The following BSND variants were observed in gnomAD, a reference collection of about 807,000 sequenced individuals.
The protein encoded by BSND is barttin.
A neutral mutation model predicts 18.8 loss-of-function variants in BSND; 13 were observed. The observed-to-expected ratio is 0.69, with a 90% CI of 0.45 to 1.10. The LOEUF (loss-of-function observed/expected upper bound fraction) is 1.10. Ranked by LOEUF, BSND falls within the 50% of genes least tolerant of loss-of-function variation. The pLI, the probability that BSND is intolerant of heterozygous loss-of-function variation, is 0.00. For missense variants in BSND, 379 were observed against 416.7 expected, an observed-to-expected ratio of 0.91 and a Z score of 0.79; for synonymous variants, 170 against 161.8, an observed-to-expected ratio of 1.05 and a Z score of -0.39.
chr1:55,004,445 C>T (rs917088558), intron 1 of BSND, among the ~76,000 whole-genome samples: 9 of 152,256 alleles, frequency 5.9e-5, no homozygotes, highest in African/African-American at 1.9e-4. Context: ...CACAGCTCCT[C>T]TCCCTCACCC....
chr1:55,004,989 A>G (rs773498936), intron 1 of BSND, 33 bp from the exon 2 acceptor site: 142 of 1,606,448 alleles, frequency 8.8e-5, no homozygotes, highest in Non-Finnish European at 8.4e-5. Context: ...ACCCTGGTCA[A>G]CTGCACAGAG....
rs1341754769 is a variant in BSND, at chr1:55,016,599, TTG to T, written c.*7973_*7974del. Among the ~76,000 whole-genome samples the T allele has an allele frequency of 3.2e-5, 3 of 92,796 alleles. No homozygotes were observed. The highest frequency in any genetic ancestry group is 9.7e-5 in the African/African-American group (2 of 20,518). 60.9% of individuals were successfully genotyped at this position (92,796 alleles called of 152,430 possible). On this transcript the variant is annotated 3_prime_UTR_variant, in exon 4 of 4. Coordinates refer to ENST00000651561, the MANE Select transcript of BSND (RefSeq NM_057176.3). Reference sequence around the variant, plus strand: ...ATTTATTCTAGTTTTGTTGTTGTTGTTGTTGTTTGTTTGTTGTTTTGAGACAA... The same window carrying T: ...ATTTATTCTAGTTTTGTTGTTGTTGTTTGTTTGTTTGTTGTTTTGAGACAA...
intron 1 of BSND, among the ~76,000 whole-genome samples, chr1:55,002,551 TCCTTCAGG>T (rs1276147741): frequency 3.3e-5 from 5 of 152,244 alleles, no homozygotes; most frequent in Admixed American, 6.5e-5. Flanking sequence ...TTGCTGAGAG[TCCTTCAGG>T]ACTCCCCATT....
rs2864124 is a variant in BSND at position 55,009,006 on chromosome 1, A to G, written c.*378A>G. 0.4 allele frequency: 141,446 copies of G among 354,614 alleles called. 29,330 individuals carry two copies. Among genetic ancestry groups the G allele is most frequent in the African/African-American group, 0.49 (23,143 of 47,112 alleles). 22.0% of individuals were successfully genotyped at this position (354,614 alleles called of 1,614,324 possible). A position where few individuals can be genotyped will look rare whatever the true frequency, so the allele number is the denominator to read the frequency against. Reference sequence around the variant, plus strand: ...AGGTTTCCCATTCCTATTGTGTCTTATAGTCCACTTGGTAGATGGCGTGAT... The same window carrying G: ...AGGTTTCCCATTCCTATTGTGTCTTGTAGTCCACTTGGTAGATGGCGTGAT... On this transcript the variant is annotated 3_prime_UTR_variant, in exon 4 of 4. Coordinates refer to ENST00000651561, the MANE Select transcript of BSND (RefSeq NM_057176.3).
At position 55,007,004 on chromosome 1, in the gene BSND, C is replaced by T; in HGVS notation, c.280C>T (p.Pro94Ser). The T allele has an allele frequency of 6.2e-7, 1 of 1,614,094 alleles. No homozygotes were observed. Among genetic ancestry groups the T allele is most frequent in the Non-Finnish European group, 8.5e-7 (1 of 1,180,036 alleles). ...TTCTCTCTCCCACTCCAGCCCCAGT[C>T]CCCAGCCGCCCTATGTAAGGCTGTG... is the stretch of plus-strand genomic sequence containing the variant. ...GLAAEMKSPS[P>S]QPPYVRLWEE... The change falls in exon 3 of 4, where the codon CCC (proline) becomes TCC (serine). Residue 94 changes from proline to serine, a missense_variant. By Grantham distance (74) the Pro-to-Ser change is moderately conservative (BLOSUM62 -1). Transcript: ENST00000651561.
chr1:55,006,976 C>T lies in BSND; in HGVS notation c.273-21C>T, dbSNP rs771552296. The T allele has an allele frequency of 2.5e-6, 4 of 1,613,564 alleles. No individual in the cohort carries two copies. In the South Asian group the frequency reaches 4.4e-5, roughly 18 times the overall value. ...TGCTGAGTGACTCTTTGCCGCCTGC[C>T]TGTTCTCTCTCCCACTCCAGCCCCA... On this transcript the variant is annotated intron_variant, in intron 2 of 3. Transcript: ENST00000651561.
chr1:55,001,242 GTGT>G (rs1393228105), intron 1 of BSND, among the ~76,000 whole-genome samples: 1 of 145,854 alleles, frequency 6.9e-6, no homozygotes, highest in South Asian at 2.2e-4. Flanking sequence ...GTGTGTGTGT[GTGT>G]TGGGGGAGAC....
In BSND at chr1:55,011,311, G is replaced by A. The variant is rs1644421439; in HGVS notation, c.*2683G>A. On this transcript the variant is annotated 3_prime_UTR_variant, in exon 4 of 4. Transcript: ENST00000651561. ...GACTGCCTCTGCTAAGTTATTAGGAGGCCCCTTTCACGCTCGAAGATACCT... is the reference window on the plus strand; with the variant it reads ...GACTGCCTCTGCTAAGTTATTAGGAAGCCCCTTTCACGCTCGAAGATACCT... 7.2e-6 allele frequency: 1 copy of A among 138,880 alleles called. No individual in the cohort carries two copies. Among genetic ancestry groups the A allele is most frequent in the Non-Finnish European group, 1.5e-5 (1 of 64,706 alleles). 8.6% of individuals were successfully genotyped at this position (138,880 alleles called of 1,614,324 possible). A position where few individuals can be genotyped will look rare whatever the true frequency, so the allele number is the denominator to read the frequency against.
chr1:54,999,073 G>A lies in BSND; in HGVS notation c.-114G>A, dbSNP rs1644347307. On this transcript the variant is annotated 5_prime_UTR_variant, in exon 1 of 4. Coordinates refer to ENST00000651561, the MANE Select transcript of BSND (RefSeq NM_057176.3). ...ATCTTGCTCTCCCTTGAAGCCTTGA[G>A]TTGCAGCGATTTCAGTGTCTTCTCT... 14 of 1,325,230 alleles carry A rather than the reference G, an allele frequency of 1.1e-5. No individual in the cohort carries two copies. The highest frequency in any genetic ancestry group is 8.6e-5 in the South Asian group (7 of 81,632). 82.1% of individuals were successfully genotyped at this position (1,325,230 alleles called of 1,614,324 possible).
Position 55,014,313 on chromosome 1 carries a change from C to T in BSND, c.*5685C>T, listed in dbSNP as rs140301300. On this transcript the variant is annotated 3_prime_UTR_variant, in exon 4 of 4. Coordinates refer to ENST00000651561, the MANE Select transcript of BSND (RefSeq NM_057176.3). ...AAACAGCGCTGGGTTTGAGACTAGGCTTCCCTACTGGCCAGCTCTGTGACT... is the reference window on the plus strand; with the variant it reads ...AAACAGCGCTGGGTTTGAGACTAGGTTTCCCTACTGGCCAGCTCTGTGACT... Among the ~76,000 whole-genome samples the T allele has an allele frequency of 1.3e-5, 2 of 152,220 alleles. No homozygotes were observed. Among genetic ancestry groups the T allele is most frequent in the Non-Finnish European group, 2.9e-5 (2 of 68,036 alleles).
chr1:55,008,575 G>A lies in BSND; in HGVS notation c.910G>A (p.Gly304Arg), dbSNP rs780389770. 1.4e-5 allele frequency: 23 copies of A among 1,613,990 alleles called. No individual in the cohort carries two copies. The highest frequency in any genetic ancestry group is 1.1e-4 in the East Asian group (5 of 44,878). Residue 304 changes from glycine to arginine, a missense_variant, in exon 4 of 4, where the codon GGG becomes AGG. Physicochemically the swap from Gly to Arg is moderately radical, Grantham distance 125 (BLOSUM62 -2). Transcript: ENST00000651561. ...DLYYGLPDGA[G>R]DLLPDKELGF... ...GTACTATGGGCTGCCAGATGGAGCCGGGGACCTCCTCCCGGACAAGGAGCT... is the reference window on the plus strand; with the variant it reads ...GTACTATGGGCTGCCAGATGGAGCCAGGGACCTCCTCCCGGACAAGGAGCT...
In BSND at chr1:55,011,974, G is replaced by A. The variant is rs538269942; in HGVS notation, c.*3346G>A. Among the ~76,000 whole-genome samples the A allele has an allele frequency of 2.0e-5, 3 of 152,310 alleles. No individual in the cohort carries two copies. In the South Asian group the frequency reaches 6.2e-4, roughly 32 times the overall value. On this transcript the variant is annotated 3_prime_UTR_variant, in exon 4 of 4. Coordinates refer to ENST00000651561, the MANE Select transcript of BSND (RefSeq NM_057176.3). The stretch of plus-strand genomic sequence containing the variant: ...CTGGGATTCTAGCGTTCAGCTCCAG[G>A]CTCCAGGTGTGTGTGCCAGGGTGAA...
At chr1:55,001,757 A>T (rs1644362703) in intron 1 of BSND, among the ~76,000 whole-genome samples, 1 of 152,088 alleles carries the variant, frequency 6.6e-6, no homozygotes, top group Admixed American at 6.6e-5. Context: ...TTCACAGAGA[A>T]GGTGAGCTGG....
In BSND at chr1:55,012,450, C is replaced by T. The variant is rs968937458; in HGVS notation, c.*3822C>T. On this transcript the variant is annotated 3_prime_UTR_variant, in exon 4 of 4. Coordinates refer to ENST00000651561, the MANE Select transcript of BSND (RefSeq NM_057176.3). ...CTCAGCCAGTTCCTTGCTGTGTGGC[C>T]TTGGACAAGTCACAGCCCCTCTCAG... Among the ~76,000 whole-genome samples the T allele has an allele frequency of 3.3e-5, 5 of 152,210 alleles. No homozygotes were observed. Among genetic ancestry groups the T allele is most frequent in the Non-Finnish European group, 7.3e-5 (5 of 68,028 alleles).
At position 55,008,217 on chromosome 1, in the gene BSND, C is replaced by T. The variant is rs1486828733; in HGVS notation, c.552C>T (p.Pro184=). Residue 184 remains proline, a synonymous_variant, in exon 4 of 4, where the codon CCC becomes CCT. Coordinates refer to ENST00000651561, the MANE Select transcript of BSND (RefSeq NM_057176.3). The stretch of plus-strand genomic sequence containing the variant: ...CTTGTGGTCTTTGTCCCTGCAGCCC[C>T]CTGGCCTGTCCCCAGGGCCCTGCCC... ...ERRLTQSWPG[P]LACPQGPAPL... 6.2e-7 allele frequency: 1 copy of T among 1,614,058 alleles called. No individual in the cohort carries two copies. The highest frequency in any genetic ancestry group is 2.2e-5 in the East Asian group (1 of 44,872).
chr1:55,016,849 A>G lies in BSND; in HGVS notation c.*8221A>G, dbSNP rs1370987326. ...TAGATGAAATGTGGAAAGAATCTCA[A>G]TGTTCAGCAACAGGAGACTGGCTAA... On this transcript the variant is annotated 3_prime_UTR_variant, in exon 4 of 4. Coordinates refer to ENST00000651561, the MANE Select transcript of BSND (RefSeq NM_057176.3). 6.6e-6 allele frequency among the ~76,000 whole-genome samples: 1 copy of G among 152,230 alleles called. No homozygotes were observed. The highest frequency in any genetic ancestry group is 2.4e-5 in the African/African-American group (1 of 41,460).
In BSND at chr1:55,009,459, C is replaced by T. The variant is rs1458109236; in HGVS notation, c.*831C>T. The T allele has an allele frequency of 1.3e-5, 2 of 152,266 alleles. No individual in the cohort carries two copies. The highest frequency in any genetic ancestry group is 4.8e-5 in the African/African-American group (2 of 41,442). 9.4% of individuals were successfully genotyped at this position (152,266 alleles called of 1,614,324 possible). A position where few individuals can be genotyped will look rare whatever the true frequency, so the allele number is the denominator to read the frequency against. The stretch of plus-strand genomic sequence containing the variant: ...TTACTCACCTTGAGATCGCCTGTGC[C>T]CAGATGGGCCTTTGGCCTGGCCCAG... On this transcript the variant is annotated 3_prime_UTR_variant, in exon 4 of 4. Transcript: ENST00000651561.
At chr1:55,000,366 G>A (rs1026878883) in intron 1 of BSND, among the ~76,000 whole-genome samples, 12 of 151,734 alleles carry the variant, frequency 7.9e-5, no homozygotes, top group African/African-American at 2.9e-4. Flanking sequence ...TCTAACTTGG[G>A]CTCTGTCTCT....
At chr1:55,006,726 A>G (rs989594544) in intron 2 of BSND, among the ~76,000 whole-genome samples, 2 of 152,148 alleles carry the variant, frequency 1.3e-5, no homozygotes, top group Admixed American at 1.3e-4. Flanking sequence ...TCATTTTGCA[A>G]TTGCATCCTT....
Sources: gnomAD v4.1 joint callset for allele counts (sites outside exome capture counted in the v4.1 genomes callset) on GRCh38, gnomAD v4.1.1 for gene constraint, MANE v1.5 for transcripts, NCBI Gene and HGNC (gene_info 2026-07-23, HGNC 2026-07-21) for gene names.